The following DPP10 variants were observed in gnomAD, a reference collection of about 807,000 sequenced individuals.
DPP10 encodes inactive dipeptidyl peptidase 10.
In DPP10, 33 loss-of-function variants were observed where a neutral mutation model predicts 120.9. The observed-to-expected ratio is 0.27, with a 90% CI of 0.21 to 0.37. The LOEUF is 0.37. Ranked by LOEUF, DPP10 falls within the 10% of genes least tolerant of loss-of-function variation. The pLI, the probability that DPP10 is intolerant of heterozygous loss-of-function variation, is 1.00. For synonymous variants in DPP10, 337 were observed against 326.1 expected, an observed-to-expected ratio of 1.03 and a Z score of -0.36; for missense variants, 816 against 942.8, an observed-to-expected ratio of 0.87 and a Z score of 1.76.
At position 114,966,967 on chromosome 2, in the gene DPP10, G is replaced by C. The variant is rs904197566; in HGVS notation, c.61-342272G>C. On this transcript the variant is annotated intron_variant, in intron 1 of 25. Coordinates refer to ENST00000410059, the MANE Select transcript of DPP10 (RefSeq NM_020868.6). The stretch of plus-strand genomic sequence containing the variant: ...TGAGGCAGGAGAATCGCTTGAACTC[G>C]GGAGGCGGAGGTTGCAGTGATCCAT... 2.0e-5 allele frequency among the ~76,000 whole-genome samples: 3 copies of C among 152,144 alleles called. No homozygotes were observed. In the South Asian group the frequency reaches 6.2e-4, roughly 32 times the overall value.
intron 1 of DPP10, among the ~76,000 whole-genome samples, chr2:114,787,812 T>A (rs894297935): frequency 6.6e-6 from 1 of 152,238 alleles, no homozygotes; most frequent in Non-Finnish European, 1.5e-5. Flanking sequence ...TTTAGAAGAG[T>A]GTTAAATCTC....
chr2:114,447,065 C>T (rs1677986696), intron 1 of DPP10, among the ~76,000 whole-genome samples: 1 of 143,624 alleles, frequency 7.0e-6, no homozygotes, highest in South Asian at 2.2e-4. Context: ...GACGGAGTCT[C>T]AGCTCACTGC....
chr2:114,940,922 C>A (rs1696846920), intron 1 of DPP10, among the ~76,000 whole-genome samples: 1 of 152,082 alleles, frequency 6.6e-6, no homozygotes, highest in South Asian at 2.1e-4. Flanking sequence ...TAATTACATT[C>A]CCTAGACTCT....
intron 5 of DPP10, among the ~76,000 whole-genome samples, chr2:115,532,335 G>C (rs2078519662): frequency 6.6e-6 from 1 of 151,914 alleles, no homozygotes; most frequent in Non-Finnish European, 1.5e-5. Context: ...TGCAGAGCTG[G>C]GAGTGAATTT....
intron 1 of DPP10, among the ~76,000 whole-genome samples, chr2:114,981,840 C>T (rs1367034053): frequency 5.3e-5 from 8 of 151,706 alleles, no homozygotes; most frequent in African/African-American, 1.9e-4. Flanking sequence ...CTCCTGGCCT[C>T]AAATGAGTCT....
At chr2:115,601,723 G>C (rs1381511322) in intron 5 of DPP10, among the ~76,000 whole-genome samples, 1 of 152,122 alleles carries the variant, frequency 6.6e-6, no homozygotes, top group Non-Finnish European at 1.5e-5. Flanking sequence ...TTGCCGGCTG[G>C]AGTGCAGTGG....
intron 5 of DPP10, among the ~76,000 whole-genome samples, chr2:115,593,176 C>G (rs543182765): frequency 6.6e-6 from 1 of 152,288 alleles, no homozygotes; most frequent in South Asian, 2.1e-4. Context: ...ACAATTGTGT[C>G]TCATTCCAAG....
chr2:115,674,079 G>T (rs576701437), intron 5 of DPP10, among the ~76,000 whole-genome samples: 1 of 151,914 alleles, frequency 6.6e-6, no homozygotes. Flanking sequence ...AAACAAACTA[G>T]CTGGGCATGG....
chr2:115,718,691 C>T (rs986828157), intron 7 of DPP10, among the ~76,000 whole-genome samples: 5 of 152,098 alleles, frequency 3.3e-5, no homozygotes, highest in African/African-American at 9.7e-5. Context: ...TGAAAAGTCA[C>T]ATTATAAAAT....
chr2:115,830,672 A>G (rs777932196), intron 21 of DPP10, among the ~76,000 whole-genome samples: 6 of 152,186 alleles, frequency 3.9e-5, no homozygotes, highest in Non-Finnish European at 8.8e-5. Context: ...TTGATTCCAA[A>G]AAGTAAAGAA....
chr2:114,952,258 A>G (rs1697849276), intron 1 of DPP10, among the ~76,000 whole-genome samples: 1 of 152,090 alleles, frequency 6.6e-6, no homozygotes, highest in African/African-American at 2.4e-5. Flanking sequence ...TTAATGATAT[A>G]TATATGCAAA....
intron 3 of DPP10, among the ~76,000 whole-genome samples, chr2:115,480,499 G>A (rs1364742052): frequency 6.6e-6 from 1 of 151,962 alleles, no homozygotes; most frequent in East Asian, 1.9e-4. Context: ...TTGCTTGTTG[G>A]TTCTATCAGA....
chr2:115,024,604 G>T (rs970498573), intron 1 of DPP10, among the ~76,000 whole-genome samples: 37 of 150,606 alleles, frequency 2.5e-4, no homozygotes, highest in African/African-American at 8.7e-4. Flanking sequence ...TAGGGTGTTT[G>T]GGATATACAT....
intron 1 of DPP10, among the ~76,000 whole-genome samples, chr2:115,171,451 A>G (rs1055322550): frequency 2.0e-5 from 3 of 152,134 alleles, no homozygotes; most frequent in Non-Finnish European, 4.4e-5. Context: ...ATTTCCTTCA[A>G]ATAGCCATGA....
chr2:115,692,256 A>G lies in DPP10; in HGVS notation c.576+2335A>G, dbSNP rs116579961. Among the ~76,000 whole-genome samples, 1,333 of 152,024 alleles carry G rather than the reference A, an allele frequency of 8.8e-3. 18 individuals carry two copies. The highest frequency in any genetic ancestry group is 0.028 in the African/African-American group (1,156 of 41,514). The stretch of plus-strand genomic sequence containing the variant: ...TTAGTTAGTGACTGCAATTGATGAG[A>G]CATGCTTTATGGCTTGGGATTTTTT... On this transcript the variant is annotated intron_variant, in intron 7 of 25. Coordinates refer to ENST00000410059, the MANE Select transcript of DPP10 (RefSeq NM_020868.6).
intron 3 of DPP10, among the ~76,000 whole-genome samples, chr2:115,465,548 C>A (rs1400613204): frequency 2.6e-5 from 4 of 152,176 alleles, no homozygotes; most frequent in African/African-American, 9.6e-5. Context: ...GTAGGCCAGG[C>A]ATGGTGGCTC....
At chr2:114,957,584 C>T (rs1698307468) in intron 1 of DPP10, among the ~76,000 whole-genome samples, 1 of 152,180 alleles carries the variant, frequency 6.6e-6, no homozygotes, top group Admixed American at 6.5e-5. Context: ...CCAGCCATTT[C>T]ACCTCTGGAT....
chr2:115,549,100 C>T, intron 5 of DPP10, among the ~76,000 whole-genome samples: 1 of 152,096 alleles, frequency 6.6e-6, no homozygotes. Flanking sequence ...TTCCAGAAGC[C>T]ATGTCTCTAT....
chr2:115,521,610 T>C (rs2077816094), intron 4 of DPP10, among the ~76,000 whole-genome samples: 1 of 151,834 alleles, frequency 6.6e-6, no homozygotes, highest in Non-Finnish European at 1.5e-5. Flanking sequence ...TCCTTATTTT[T>C]TTTTTTTTGT....
Sources: gnomAD v4.1 joint callset for allele counts (sites outside exome capture counted in the v4.1 genomes callset) on GRCh38, gnomAD v4.1.1 for gene constraint, MANE v1.5 for transcripts, NCBI Gene and HGNC (gene_info 2026-07-23, HGNC 2026-07-21) for gene names.